The following KIAA1217 variants were observed in gnomAD, a reference collection of about 807,000 sequenced individuals.
KIAA1217 encodes KIAA1217, also known as sickle tail protein homolog.
Under a neutral mutation model 163.9 loss-of-function variants are expected in KIAA1217, and 88 were observed. That is an observed-to-expected ratio of 0.54 (90% CI 0.45 to 0.64). KIAA1217 has a LOEUF of 0.64. Ranked by LOEUF, KIAA1217 falls within the 30% of genes least tolerant of loss-of-function variation. KIAA1217 has a pLI of 0.00. For synonymous variants in KIAA1217, 903 were observed against 923.1 expected, an observed-to-expected ratio of 0.98 and a Z score of 0.39; for missense variants, 2,372 against 2,475.0, an observed-to-expected ratio of 0.96 and a Z score of 0.88.
chr10:23,760,662 C>T (rs1473356017), intron 1 of KIAA1217, among the ~76,000 whole-genome samples: 2 of 152,112 alleles, frequency 1.3e-5, no homozygotes, highest in Non-Finnish European at 2.9e-5. Context: ...AAGAACAAGT[C>T]AGGTGTGGTG....
chr10:23,847,978 A>C (rs11013753), intron 1 of KIAA1217, among the ~76,000 whole-genome samples: 26,297 of 152,036 alleles, frequency 0.17, 2,423 homozygotes, highest in Middle Eastern at 0.21. Flanking sequence ...TTATGTACCC[A>C]GTGGTCATTC....
intron 2 of KIAA1217, chr10:24,275,790 T>C (rs549516435): frequency 3.9e-6 from 2 of 515,768 alleles, no homozygotes; most frequent in Admixed American, 4.2e-5. Context: ...TTGGCTTTAT[T>C]GACTTTTAGC....
intron 1 of KIAA1217, among the ~76,000 whole-genome samples, chr10:23,943,110 T>C (rs937801910): frequency 5.3e-5 from 8 of 151,878 alleles, no homozygotes; most frequent in African/African-American, 1.9e-4. Context: ...GGTGTCAGAG[T>C]GAGACACTGT....
intron 2 of KIAA1217, among the ~76,000 whole-genome samples, chr10:24,173,541 A>G (rs886924407): frequency 6.6e-6 from 1 of 152,172 alleles, no homozygotes; most frequent in African/African-American, 2.4e-5. Context: ...AAAGTTACCA[A>G]GACTACTTAG....
At chr10:24,241,863 G>C (rs532636479) in intron 2 of KIAA1217, among the ~76,000 whole-genome samples, 1 of 152,114 alleles carries the variant, frequency 6.6e-6, no homozygotes, top group African/African-American at 2.4e-5. Flanking sequence ...AGACTATTCA[G>C]AATTATTCAG....
intron 1 of KIAA1217, among the ~76,000 whole-genome samples, chr10:23,876,553 T>C (rs1840706563): frequency 6.6e-6 from 1 of 151,872 alleles, no homozygotes; most frequent in Non-Finnish European, 1.5e-5. Context: ...CCGTAGTGGA[T>C]ATAAAGCATG....
At chr10:23,796,538 T>C (rs1160799935) in intron 1 of KIAA1217, among the ~76,000 whole-genome samples, 1 of 151,992 alleles carries the variant, frequency 6.6e-6, no homozygotes, top group Non-Finnish European at 1.5e-5. Context: ...AATTTTTGTA[T>C]TTTTAGTAGA....
intron 1 of KIAA1217, among the ~76,000 whole-genome samples, chr10:23,713,226 AG>A (rs1362758097): frequency 6.6e-6 from 1 of 152,126 alleles, no homozygotes; most frequent in Non-Finnish European, 1.5e-5. Flanking sequence ...CATTCAGAGT[AG>A]GTTTTGGTTT....
intron 1 of KIAA1217, among the ~76,000 whole-genome samples, chr10:23,948,850 G>T (rs1236120276): frequency 6.6e-6 from 1 of 152,052 alleles, no homozygotes; most frequent in Admixed American, 6.6e-5. Flanking sequence ...ATTAAACCAG[G>T]TTTAATTTCA....
At chr10:24,483,463 C>T (rs1462112752) in intron 6 of KIAA1217, among the ~76,000 whole-genome samples, 1 of 152,192 alleles carries the variant, frequency 6.6e-6, no homozygotes, top group Non-Finnish European at 1.5e-5. Context: ...TGGCCCCCCT[C>T]ACATTTTGTC....
intron 1 of KIAA1217, among the ~76,000 whole-genome samples, chr10:23,898,304 TAC>T (rs35343854): frequency 0.018 from 2,673 of 149,204 alleles, 43 homozygotes; most frequent in Admixed American, 0.049. Context: ...ACTATATATA[TAC>T]ACACACACAC....
intron 1 of KIAA1217, among the ~76,000 whole-genome samples, chr10:23,790,191 A>ATATG (rs1835713882): frequency 2.9e-5 from 2 of 69,484 alleles, no homozygotes; most frequent in Non-Finnish European, 5.2e-5. Context: ...ATACACATAT[A>ATATG]CACATATGCA....
At chr10:24,457,737 A>G (rs1358288259) in intron 5 of KIAA1217, among the ~76,000 whole-genome samples, 2 of 152,162 alleles carry the variant, frequency 1.3e-5, no homozygotes, top group African/African-American at 2.4e-5. Flanking sequence ...TCCATAGATT[A>G]CAAAGCATTT....
At chr10:24,409,399 G>A (rs999077642) in intron 3 of KIAA1217, among the ~76,000 whole-genome samples, 4 of 152,074 alleles carry the variant, frequency 2.6e-5, no homozygotes, top group Non-Finnish European at 5.9e-5. Flanking sequence ...AAATTCTAGG[G>A]AATGCAAATT....
intron 9 of KIAA1217, among the ~76,000 whole-genome samples, chr10:24,502,240 C>CTTTTTTT (rs772404852): frequency 2.5e-5 from 2 of 80,624 alleles, no homozygotes; most frequent in African/African-American, 4.4e-5. Context: ...GTCAGCCAAG[C>CTTTTTTT]TTTTTTTTTT....
intron 2 of KIAA1217, among the ~76,000 whole-genome samples, chr10:24,160,368 T>G (rs2131883881): frequency 6.6e-6 from 1 of 152,276 alleles, no homozygotes; most frequent in African/African-American, 2.4e-5. Flanking sequence ...CATATATCTC[T>G]CCATTTATTT....
chr10:23,924,339 C>CAAATGAA (rs1842948612), intron 1 of KIAA1217, among the ~76,000 whole-genome samples: 3 of 151,830 alleles, frequency 2.0e-5, no homozygotes, highest in African/African-American at 7.3e-5. Context: ...AATATAACTA[C>CAAATGAA]CAGAATGACC....
chr10:24,144,958 A>G (rs1286190348), intron 2 of KIAA1217, among the ~76,000 whole-genome samples: 1 of 152,228 alleles, frequency 6.6e-6, no homozygotes, highest in Non-Finnish European at 1.5e-5. Flanking sequence ...TACAACTGCC[A>G]AATGGTCACA....
intron 2 of KIAA1217, among the ~76,000 whole-genome samples, chr10:24,110,745 T>C (rs11013898): frequency 0.099 from 15,136 of 152,280 alleles, 819 homozygotes; most frequent in Middle Eastern, 0.2. Context: ...CGGCATAAGT[T>C]TTAAGTGCTC....
Sources: allele counts gnomAD v4.1 joint callset (sites outside exome capture counted in the v4.1 genomes callset), GRCh38; gene constraint gnomAD v4.1.1; transcripts MANE v1.5; gene names NCBI Gene and HGNC (gene_info 2026-07-23, HGNC 2026-07-21).